MGMT: variants seen among roughly 807,000 people sequenced by gnomAD.
The protein encoded by MGMT is O-6-methylguanine-DNA methyltransferase.
A neutral mutation model predicts 15.9 loss-of-function variants in MGMT; 14 were observed. That is an observed-to-expected ratio of 0.88 (90% CI 0.58 to 1.37). The LOEUF (loss-of-function observed/expected upper bound fraction) is 1.37, where lower values mean the gene tolerates loss of function less well. MGMT is among the 40% of genes most tolerant of loss of function. The pLI is 0.00. For missense variants in MGMT, 282 were observed against 268.1 expected, an observed-to-expected ratio of 1.05 and a Z score of -0.36; for synonymous variants, 130 against 118.2, an observed-to-expected ratio of 1.10 and a Z score of -0.65.
At chr10:129,764,097 C>T (rs1331955631) in intron 4 of MGMT, among the ~76,000 whole-genome samples, 1 of 152,208 alleles carries the variant, frequency 6.6e-6, no homozygotes, top group Non-Finnish European at 1.5e-5. Context: ...CTCAACAGTC[C>T]ACGTCAAGGA....
At chr10:129,630,366 C>G (rs1320768200) in intron 2 of MGMT, among the ~76,000 whole-genome samples, 2 of 152,200 alleles carry the variant, frequency 1.3e-5, no homozygotes, top group African/African-American at 2.4e-5. Flanking sequence ...AAATGTCTTC[C>G]CATCTCACGC....
At chr10:129,679,376 A>G (rs890175925) in intron 2 of MGMT, among the ~76,000 whole-genome samples, 1 of 152,078 alleles carries the variant, frequency 6.6e-6, no homozygotes, top group Non-Finnish European at 1.5e-5. Context: ...GGCTTCCACA[A>G]CTGGCATGAG....
intron 1 of MGMT, among the ~76,000 whole-genome samples, chr10:129,481,161 G>A (rs566802011): frequency 4.6e-5 from 7 of 152,306 alleles, no homozygotes; most frequent in South Asian, 4.1e-4. Context: ...CTTCTGTGTT[G>A]TCTTTCACCG....
chr10:129,763,276 A>C (rs1848895736), intron 4 of MGMT, among the ~76,000 whole-genome samples: 1 of 152,172 alleles, frequency 6.6e-6, no homozygotes, highest in African/African-American at 2.4e-5. Context: ...GAGGGTACAG[A>C]TCCTTTGAAA....
At chr10:129,500,508 T>C (rs1238050482) in intron 1 of MGMT, among the ~76,000 whole-genome samples, 3 of 152,210 alleles carry the variant, frequency 2.0e-5, no homozygotes, top group Admixed American at 2.0e-4. Context: ...TAATATCATC[T>C]CTCTTCATGG....
At chr10:129,731,454 C>T (rs1848497010) in intron 3 of MGMT, among the ~76,000 whole-genome samples, 1 of 149,246 alleles carries the variant, frequency 6.7e-6, no homozygotes, top group African/African-American at 2.5e-5. Flanking sequence ...CATCTGCCTC[C>T]TGGGTTCAAG....
chr10:129,574,026 C>T (rs1032099474), intron 2 of MGMT, among the ~76,000 whole-genome samples: 11 of 152,272 alleles, frequency 7.2e-5, no homozygotes, highest in East Asian at 1.9e-4. Flanking sequence ...ACATGTCCCC[C>T]GACCCAACGA....
At chr10:129,676,258 G>A (rs556522228) in intron 2 of MGMT, among the ~76,000 whole-genome samples, 4 of 152,232 alleles carry the variant, frequency 2.6e-5, no homozygotes, top group East Asian at 1.9e-4. Flanking sequence ...GCCGCCCCCC[G>A]ACCTTCATTT....
chr10:129,593,509 C>G (rs1846714141), intron 2 of MGMT, among the ~76,000 whole-genome samples: 1 of 152,230 alleles, frequency 6.6e-6, no homozygotes, highest in African/African-American at 2.4e-5. Context: ...TTTCTTTGAA[C>G]TACGTCAACG....
chr10:129,703,351 G>A (rs149175566), intron 2 of MGMT, among the ~76,000 whole-genome samples: 234 of 152,286 alleles, frequency 1.5e-3, no homozygotes, highest in East Asian at 6.6e-3. Flanking sequence ...AAGGACGCCC[G>A]CGTGGGCAGA....
chr10:129,743,169 CA>C (rs1848657679), intron 3 of MGMT, among the ~76,000 whole-genome samples: 1 of 152,200 alleles, frequency 6.6e-6, no homozygotes, highest in Non-Finnish European at 1.5e-5. Context: ...TATCTCTACC[CA>C]GCAAACTGCT....
chr10:129,567,492 A>G (rs1310790480), intron 2 of MGMT, among the ~76,000 whole-genome samples: 1 of 152,068 alleles, frequency 6.6e-6, no homozygotes, highest in Non-Finnish European at 1.5e-5. Context: ...CCCTAAGAAG[A>G]TTCAGGAATG....
At chr10:129,513,720 A>G (rs7920272) in intron 1 of MGMT, among the ~76,000 whole-genome samples, 23,523 of 152,140 alleles carry the variant, frequency 0.15, 2,547 homozygotes, top group African/African-American at 0.3. Flanking sequence ...TTGTAAAACA[A>G]GGGAAGGCCA....
intron 3 of MGMT, among the ~76,000 whole-genome samples, chr10:129,755,461 T>C (rs1848794894): frequency 6.6e-6 from 1 of 152,170 alleles, no homozygotes; most frequent in African/African-American, 2.4e-5. Context: ...ACCCGGCAGG[T>C]AGCACCTGTG....
intron 2 of MGMT, among the ~76,000 whole-genome samples, chr10:129,548,590 A>G (rs1026849139): frequency 1.3e-5 from 2 of 152,208 alleles, no homozygotes; most frequent in African/African-American, 2.4e-5. Context: ...TGAAAATAAT[A>G]TTTTGAGACC....
intron 2 of MGMT, among the ~76,000 whole-genome samples, chr10:129,569,593 G>A (rs913727558): frequency 5.9e-5 from 9 of 152,178 alleles, no homozygotes; most frequent in Admixed American, 1.3e-4. Flanking sequence ...CCTGACTTGG[G>A]TGATGCCCAG....
intron 2 of MGMT, among the ~76,000 whole-genome samples, chr10:129,682,407 A>AT (rs575977913): frequency 2.0e-5 from 3 of 151,698 alleles, no homozygotes; most frequent in Admixed American, 2.0e-4. Context: ...AAAAGATAGG[A>AT]TTTTTTTTGT....
chr10:129,638,466 C>T (rs371172524), intron 2 of MGMT, among the ~76,000 whole-genome samples: 6 of 81,660 alleles, frequency 7.3e-5, no homozygotes, highest in African/African-American at 2.6e-4. Context: ...AGAAAAATAA[C>T]TGACGTCTAT....
chr10:129,763,346 G>T (rs1345517084), intron 4 of MGMT, among the ~76,000 whole-genome samples: 5 of 152,176 alleles, frequency 3.3e-5, no homozygotes, highest in Admixed American at 6.6e-5. Context: ...TCTGAAACCT[G>T]CCACCAAAAT....
Sources: gnomAD v4.1 joint callset for allele counts (sites outside exome capture counted in the v4.1 genomes callset) on GRCh38, gnomAD v4.1.1 for gene constraint, MANE v1.5 for transcripts, NCBI Gene and HGNC (gene_info 2026-07-23, HGNC 2026-07-21) for gene names.